The following ZFR variants were observed in gnomAD, a reference collection of about 807,000 sequenced individuals.
ZFR encodes zinc finger RNA-binding protein.
ZFR carries 19 observed loss-of-function variants against 130.7 expected under a neutral mutation model. That is an observed-to-expected ratio of 0.15 (90% CI 0.10 to 0.21). The LOEUF is 0.21. Ranked by LOEUF, ZFR falls within the 10% of genes least tolerant of loss-of-function variation. ZFR has a pLI of 1.00. For missense variants in ZFR, 872 were observed against 1,321.5 expected (o/e 0.66, Z 5.27); for synonymous variants, 466 against 456.9 (o/e 1.02, Z -0.25).
At chr5:32,380,821 T>G (rs1231997859) in intron 15 of ZFR, among the ~76,000 whole-genome samples, 1 of 151,852 alleles carries the variant, frequency 6.6e-6, no homozygotes, top group Non-Finnish European at 1.5e-5. Context: ...GCTAATTTTT[T>G]GTATTTTTAG....
intron 2 of ZFR, among the ~76,000 whole-genome samples, chr5:32,440,628 CAGA>C (rs776567742): frequency 1.6e-4 from 23 of 147,550 alleles, no homozygotes; most frequent in East Asian, 1.2e-3. Flanking sequence ...GCCTGGGTGA[CAGA>C]AGGAGACTCT....
intron 2 of ZFR, among the ~76,000 whole-genome samples, chr5:32,442,251 C>T (rs1754490843): frequency 6.6e-6 from 1 of 152,178 alleles, no homozygotes; most frequent in Non-Finnish European, 1.5e-5. Context: ...ACAATCTTTT[C>T]TAGACGGAAT....
rs545007188 is a variant in ZFR at position 32,411,562 on chromosome 5, G to A, written c.784+3407C>T. Among the ~76,000 whole-genome samples the A allele has an allele frequency of 4.0e-5, 6 of 151,612 alleles. No homozygotes were observed. The East Asian group carries it at 5.8e-4, about 15-fold the overall frequency. On this transcript the variant is annotated intron_variant, in intron 5 of 19. Transcript: ENST00000265069. ...AAATGAGCCAGGTATGGTGGTACAC[G>A]CCTGTAACCCCAGCTACTTGGGAGG... is the stretch of plus-strand genomic sequence containing the variant.
intron 16 of ZFR, 34 bp from the exon 17 acceptor site, chr5:32,379,244 C>T (rs1197497394): frequency 1.2e-5 from 19 of 1,547,844 alleles, no homozygotes; most frequent in Non-Finnish European, 1.6e-5. Context: ...TTGAATTAAT[C>T]TTAGAAATAC....
intron 2 of ZFR, among the ~76,000 whole-genome samples, chr5:32,435,702 T>G (rs1754317220): frequency 6.6e-6 from 1 of 152,168 alleles, no homozygotes; most frequent in Admixed American, 6.5e-5. Flanking sequence ...AGACATGCCT[T>G]GCCCATTTAA....
chr5:32,373,732 C>A (rs761596628), intron 17 of ZFR, among the ~76,000 whole-genome samples: 1 of 151,000 alleles, frequency 6.6e-6, no homozygotes, highest in Non-Finnish European at 1.5e-5. Flanking sequence ...ATACTAGGAG[C>A]GAATTTTAAA....
chr5:32,425,648 C>A (rs1366375210), intron 2 of ZFR, among the ~76,000 whole-genome samples: 1 of 152,218 alleles, frequency 6.6e-6, no homozygotes, highest in Non-Finnish European at 1.5e-5. Flanking sequence ...CTGCCTCAGC[C>A]ACCCGAGTAG....
intron 17 of ZFR, among the ~76,000 whole-genome samples, chr5:32,377,093 T>A (rs1752831814): frequency 7.0e-6 from 1 of 143,830 alleles, no homozygotes; most frequent in African/African-American, 2.6e-5. Context: ...GAGGCGGAGC[T>A]TGCAGTGAGC....
At chr5:32,432,498 GATT>G (rs1754248276) in intron 2 of ZFR, among the ~76,000 whole-genome samples, 1 of 151,928 alleles carries the variant, frequency 6.6e-6, no homozygotes, top group African/African-American at 2.4e-5. Context: ...TTTTAAATTG[GATT>G]ATTTGACTTT....
At chr5:32,418,309 T>C (rs933533080) in intron 3 of ZFR, among the ~76,000 whole-genome samples, 9 of 151,750 alleles carry the variant, frequency 5.9e-5, no homozygotes, top group African/African-American at 2.2e-4. Context: ...AGCAGCATGT[T>C]GAACTTTTAC....
intron 17 of ZFR, among the ~76,000 whole-genome samples, chr5:32,377,371 T>G (rs1752846681): frequency 1.3e-5 from 2 of 151,042 alleles, no homozygotes; most frequent in African/African-American, 4.9e-5. Context: ...TAGCTGGGAT[T>G]ACAGGTGTGC....
intron 5 of ZFR, among the ~76,000 whole-genome samples, chr5:32,409,305 T>C (rs1753647080): frequency 6.6e-6 from 1 of 152,212 alleles, no homozygotes; most frequent in Non-Finnish European, 1.5e-5. Flanking sequence ...TAAAACGTTC[T>C]CTTAAATACA....
At chr5:32,410,414 G>A (rs1349566469) in intron 5 of ZFR, among the ~76,000 whole-genome samples, 1 of 151,820 alleles carries the variant, frequency 6.6e-6, no homozygotes, top group African/African-American at 2.4e-5. Flanking sequence ...TTCGAGACCA[G>A]CCTGTGCAAC....
At chr5:32,356,708 T>TGC (rs1752321130) in intron 19 of ZFR, among the ~76,000 whole-genome samples, 1 of 152,102 alleles carries the variant, frequency 6.6e-6, no homozygotes, top group South Asian at 2.1e-4. Context: ...CGTGAGCCAC[T>TGC]GCGCCCGGCC....
chr5:32,367,166 G>A (rs530719903), intron 17 of ZFR, among the ~76,000 whole-genome samples: 17 of 152,250 alleles, frequency 1.1e-4, no homozygotes, highest in African/African-American at 4.1e-4. Context: ...GGGTGTGGTG[G>A]TTCACGTCTG....
intron 2 of ZFR, among the ~76,000 whole-genome samples, chr5:32,436,138 T>C (rs75840041): frequency 8.9e-6 from 1 of 111,938 alleles, no homozygotes; most frequent in Non-Finnish European, 1.7e-5. Flanking sequence ...CACAGTTGTA[T>C]TCTTTTTTTT....
chr5:32,400,868 C>A (rs1253983853), intron 8 of ZFR, among the ~76,000 whole-genome samples: 1 of 152,142 alleles, frequency 6.6e-6, no homozygotes, highest in African/African-American at 2.4e-5. Flanking sequence ...GGGGTAACAT[C>A]TAGGTCATGC....
intron 11 of ZFR, among the ~76,000 whole-genome samples, chr5:32,394,916 T>A (rs986833902): frequency 6.6e-6 from 1 of 152,192 alleles, no homozygotes; most frequent in Non-Finnish European, 1.5e-5. Context: ...TTTCTTCATA[T>A]GTTTAATTTA....
chr5:32,405,616 C>T (rs1281376710), intron 6 of ZFR, among the ~76,000 whole-genome samples: 2 of 152,200 alleles, frequency 1.3e-5, no homozygotes, highest in African/African-American at 4.8e-5. Flanking sequence ...GCACTCATGA[C>T]ACTAACCCCT....
Sources: gnomAD v4.1 joint callset for allele counts (sites outside exome capture counted in the v4.1 genomes callset) on GRCh38, gnomAD v4.1.1 for gene constraint, MANE v1.5 for transcripts, NCBI Gene and HGNC (gene_info 2026-07-23, HGNC 2026-07-21) for gene names.